Variants in SDK2 observed in about 807,000 individuals in gnomAD.
SDK2 encodes protein sidekick-2.
Under a neutral mutation model 253.9 loss-of-function variants are expected in SDK2, and 105 were observed. That is an observed-to-expected ratio of 0.41 (90% CI 0.35 to 0.49). SDK2 has a LOEUF of 0.49. Among genes scored for constraint, SDK2 ranks in the 20% least tolerant of loss-of-function variants. The probability of loss-of-function intolerance (pLI) is 0.06; values close to 1 mark genes in which losing one functional copy is unlikely to be tolerated. For missense variants in SDK2, 2,608 were observed against 3,003.0 expected (o/e 0.87, Z 3.07); for synonymous variants, 1,249 against 1,234.9 (o/e 1.01, Z -0.24).
At chr17:73,377,820 C>T (rs2062796388) in intron 36 of SDK2, among the ~76,000 whole-genome samples, 1 of 151,982 alleles carries the variant, frequency 6.6e-6, no homozygotes, top group African/African-American at 2.4e-5. Flanking sequence ...CCATGTTGGT[C>T]AGGCTGGTCT....
At position 73,616,253 on chromosome 17, in the gene SDK2, C is replaced by T. The variant is rs9904029; in HGVS notation, c.64+27772G>A. Among the ~76,000 whole-genome samples the T allele has an allele frequency of 0.39, 59,818 of 151,834 alleles. 12,410 individuals are homozygous for T. The highest frequency in any genetic ancestry group is 0.46 in the Non-Finnish European group (31,552 of 67,908). On this transcript the variant is annotated intron_variant, in intron 1 of 44. Coordinates refer to ENST00000392650, the MANE Select transcript of SDK2 (RefSeq NM_001144952.2). This position sits in a 1 kb window ranked among gnomAD's most constrained non-coding sequence, Gnocchi z 5.2. ...TTGTGCTCGGCAGCCCCAGGCATCC[C>T]GGTGCTGCTTGCCTTCCCCACCCTC...
At chr17:73,406,128 CAAA>C (rs1159064808) in intron 18 of SDK2, among the ~76,000 whole-genome samples, 1 of 151,882 alleles carries the variant, frequency 6.6e-6, no homozygotes, top group Middle Eastern at 3.2e-3. Flanking sequence ...GGAATAATGA[CAAA>C]AAACTCTGTG....
rs533057418 is a variant in SDK2 at position 73,580,134 on chromosome 17, C to T, written c.64+63891G>A. On this transcript the variant is annotated intron_variant, in intron 1 of 44. Coordinates refer to ENST00000392650, the MANE Select transcript of SDK2 (RefSeq NM_001144952.2). ...CTTGGACTTCCAGCCTCCAGGACTG[C>T]GGAACAATTCATTTCTGTTATGGCC... 5.9e-5 allele frequency among the ~76,000 whole-genome samples: 9 copies of T among 152,274 alleles called. No individual in the cohort carries two copies. In the South Asian group the frequency reaches 1.5e-3, roughly 25 times the overall value.
At chr17:73,342,013 C>T (rs2050789867) in intron 44 of SDK2, among the ~76,000 whole-genome samples, 1 of 152,018 alleles carries the variant, frequency 6.6e-6, no homozygotes, top group Admixed American at 6.6e-5. Context: ...TTTTCTAAAG[C>T]CCACACACCT....
At chr17:73,592,659 G>T (rs975851024) in intron 1 of SDK2, among the ~76,000 whole-genome samples, 1 of 152,210 alleles carries the variant, frequency 6.6e-6, no homozygotes, top group Non-Finnish European at 1.5e-5. Flanking sequence ...AGAGAGGGCC[G>T]GGGAAGCGCG....
intron 17 of SDK2, 75 bp downstream of exon 17, chr17:73,415,736 G>T: frequency 2.3e-6 from 3 of 1,325,574 alleles, no homozygotes; most frequent in South Asian, 2.8e-5. Context: ...CAATCCTCCC[G>T]TCTTGGCGTC....
intron 2 of SDK2, among the ~76,000 whole-genome samples, chr17:73,485,132 T>A (rs1171532199): frequency 2.6e-5 from 4 of 152,120 alleles, no homozygotes; most frequent in Admixed American, 1.3e-4. Flanking sequence ...ATTCAACTCA[T>A]AACAGCTGAG....
At chr17:73,348,158 C>A (rs1279805969) in intron 44 of SDK2, among the ~76,000 whole-genome samples, 1 of 152,230 alleles carries the variant, frequency 6.6e-6, no homozygotes, top group African/African-American at 2.4e-5. Context: ...CCAGGGCACC[C>A]AGCCCTTTGT....
intron 24 of SDK2, among the ~76,000 whole-genome samples, chr17:73,396,886 A>ACAGCTCTG (rs1470863009): frequency 1.3e-5 from 2 of 152,336 alleles, no homozygotes; most frequent in East Asian, 3.9e-4. Context: ...GTGGGCCGAG[A>ACAGCTCTG]CAGCTCTGCA....
intron 4 of SDK2, among the ~76,000 whole-genome samples, chr17:73,453,597 G>C (rs1282274932): frequency 6.6e-6 from 1 of 152,096 alleles, no homozygotes; most frequent in Admixed American, 6.6e-5. Flanking sequence ...GGCTGGTCTT[G>C]AACTCCTGAC....
chr17:73,633,991 G>A (rs2046300784), intron 1 of SDK2, among the ~76,000 whole-genome samples: 1 of 151,952 alleles, frequency 6.6e-6, no homozygotes, highest in Non-Finnish European at 1.5e-5. Context: ...GGCAGGTAGG[G>A]CCAGATTGTG....
At chr17:73,416,098 C>A (rs1450356119) in intron 16 of SDK2, 106 bp from the exon 17 acceptor site, 22 of 1,034,198 alleles carry the variant, frequency 2.1e-5, no homozygotes, top group Non-Finnish European at 3.1e-5. Context: ...CCGGTGGTGG[C>A]GGAAGTGCTC....
Position 73,423,397 on chromosome 17 carries a change from A to G in SDK2, c.1886T>C (p.Met629Thr). Residue 629 changes from methionine to threonine, a missense_variant, in exon 14 of 45, where the codon ATG becomes ACG. Coordinates refer to ENST00000392650, the MANE Select transcript of SDK2 (RefSeq NM_001144952.2). ...CACGGGAAGCTTACTGTTCTCCGACATCTCCAGAATGTAGCGGATCAGGGG... is the reference window on the plus strand; with the variant it reads ...CACGGGAAGCTTACTGTTCTCCGACGTCTCCAGAATGTAGCGGATCAGGGG... ...NSPLIRYILE[M>T]SENNAPWTVL... The G allele has an allele frequency of 1.3e-6, 2 of 1,495,928 alleles. No homozygotes were observed. The highest frequency in any genetic ancestry group is 1.8e-6 in the Non-Finnish European group (2 of 1,115,316). The allele number at this position is 1,495,928 out of a possible 1,614,324, so 92.7% of individuals were successfully genotyped here.
intron 3 of SDK2, among the ~76,000 whole-genome samples, chr17:73,460,239 G>A (rs1456733760): frequency 6.6e-6 from 1 of 152,194 alleles, no homozygotes; most frequent in Non-Finnish European, 1.5e-5. Context: ...AGCAGATGTG[G>A]GAGCAGCCCA....
chr17:73,390,943 T>G (rs1568378790), intron 28 of SDK2, among the ~76,000 whole-genome samples: 1 of 152,214 alleles, frequency 6.6e-6, no homozygotes, highest in Non-Finnish European at 1.5e-5. Context: ...GCCCCCATTT[T>G]AAAGGTGAGG....
intron 1 of SDK2, among the ~76,000 whole-genome samples, chr17:73,576,206 C>T (rs1188264578): frequency 1.3e-5 from 2 of 152,142 alleles, no homozygotes; most frequent in African/African-American, 4.8e-5. Context: ...AAGGGAAAGG[C>T]ATCCCAAAGA....
At chr17:73,574,843 A>T (rs148136813) in intron 1 of SDK2, among the ~76,000 whole-genome samples, 1 of 152,328 alleles carries the variant, frequency 6.6e-6, no homozygotes, top group Non-Finnish European at 1.5e-5. Flanking sequence ...CTTGAGAAGT[A>T]TGAGTCTCTG....
chr17:73,507,569 C>T lies in SDK2; in HGVS notation c.93G>A (p.Glu31=). ...CCAAGTGCACCTGTGTCCGCACAGG[C>T]TCTGTCTTGAAATACGGGGACACAT... is the stretch of plus-strand genomic sequence containing the variant. The part of the protein sequence containing the change: ...QDDVSPYFKT[E]PVRTQVHLEG... Residue 31 remains glutamate (E), a synonymous_variant, in exon 2 of 45, where the codon GAG becomes GAA. Transcript: ENST00000392650. 6.4e-7 allele frequency: 1 copy of T among 1,551,620 alleles called. No individual in the cohort carries two copies. Among genetic ancestry groups the T allele is most frequent in the East Asian group, 2.4e-5 (1 of 40,916 alleles).
At chr17:73,515,277 C>T (rs1403871976) in intron 1 of SDK2, among the ~76,000 whole-genome samples, 1 of 152,148 alleles carries the variant, frequency 6.6e-6, no homozygotes, top group Non-Finnish European at 1.5e-5. Context: ...ACCCTTCATA[C>T]CCCAACCTGT....
Sources: allele counts gnomAD v4.1 joint callset (sites outside exome capture counted in the v4.1 genomes callset), GRCh38; gene constraint gnomAD v4.1.1; non-coding constraint Gnocchi (gnomAD v3.1); transcripts MANE v1.5; gene names NCBI Gene and HGNC (gene_info 2026-07-23, HGNC 2026-07-21).